PLXNB2: variants seen among roughly 807,000 people sequenced by gnomAD.
PLXNB2 encodes the protein plexin B2, also known as plexin-B2.
In PLXNB2, 85 loss-of-function variants were observed where a neutral mutation model predicts 202.6. That is an observed-to-expected ratio of 0.42 (90% CI 0.35 to 0.50). PLXNB2 has a LOEUF of 0.50. PLXNB2 is among the 20% of genes least tolerant of loss of function. The pLI is 0.02. For synonymous variants in PLXNB2, 1,239 were observed against 1,137.6 expected (o/e 1.09, Z -1.79); for missense variants, 2,063 against 2,586.2 (o/e 0.80, Z 4.39).
chr22:50,279,896 G>C, intron 26 of PLXNB2, 109 bp downstream of exon 26: 1 of 1,417,172 alleles, frequency 7.1e-7, no homozygotes, highest in Non-Finnish European at 9.8e-7. Context: ...AAGCAAACCT[G>C]TCCAGGCAGG....
In PLXNB2 at chr22:50,280,017, G is replaced by C; in HGVS notation, c.4230C>G (p.Tyr1410Ter). ...GGGTGGAACCCACCTTGAGGTACTG[G>C]TACAGGCAGATGGACATCCAGTTGG... Reference protein sequence around the residue: ...MLSNWMSICLYQYLKDSAGEP... With the variant: ...MLSNWMSICL Residue 1410 changes from tyrosine to a stop codon, truncating the protein, a stop_gained, in exon 26 of 37, where the codon TAC becomes TAG. Coordinates refer to ENST00000359337, the MANE Select transcript of PLXNB2 (RefSeq NM_012401.4). LOFTEE classifies it high-confidence loss of function. The C allele has an allele frequency of 6.2e-7, 1 of 1,608,884 alleles. No individual in the cohort carries two copies. The highest frequency in any genetic ancestry group is 8.5e-7 in the Non-Finnish European group (1 of 1,177,614).
chr22:50,285,164 G>A (rs369450908), intron 11 of PLXNB2, among the ~76,000 whole-genome samples: 50 of 151,918 alleles, frequency 3.3e-4, no homozygotes, highest in Non-Finnish European at 3.5e-4. Flanking sequence ...AGCACTGGCC[G>A]GCACCCCTCC....
rs199562031 is a variant in PLXNB2 at position 50,284,262 on chromosome 22, C to T, written c.2182-49G>A. 47 of 1,558,064 alleles carry T rather than the reference C, an allele frequency of 3.0e-5. No homozygotes were observed. In the East Asian group the frequency reaches 6.3e-4, roughly 21 times the overall value. On this transcript the variant is annotated intron_variant, in intron 12 of 36. Coordinates refer to ENST00000359337, the MANE Select transcript of PLXNB2 (RefSeq NM_012401.4). This position sits in a 1 kb window ranked among gnomAD's most constrained non-coding sequence, Gnocchi z 8.0. The stretch of plus-strand genomic sequence containing the variant: ...TGCACTTCCTGCCCCCACAGAGGGG[C>T]GTGGGGCGGGGGTCACAAGGGCAGC...
chr22:50,286,360 G>C, intron 8 of PLXNB2, 73 bp from the exon 9 acceptor site: 1 of 1,087,378 alleles, frequency 9.2e-7, no homozygotes, highest in Admixed American at 1.8e-5. Flanking sequence ...CTCCCCTGGG[G>C]CTGACTCCTG....
In PLXNB2 at chr22:50,289,139, A is replaced by G; in HGVS notation, c.1072T>C (p.Ser358Pro). The G allele has an allele frequency of 6.4e-7, 1 of 1,571,198 alleles. No homozygotes were observed. The highest frequency in any genetic ancestry group is 8.6e-7 in the Non-Finnish European group (1 of 1,159,668). Residue 358 changes from serine to proline, a missense_variant, in exon 4 of 37, where the codon TCC becomes CCC. By Grantham distance (74) the Ser-to-Pro change is moderately conservative (BLOSUM62 -1). Transcript: ENST00000359337. The surrounding 1 kb of genome is among the most constrained non-coding windows in gnomAD (Gnocchi z 8.0). ...DIQCGGHAPG[S>P]SKSFPCGSEH... ...GAGCCACATGGGAAGCTCTTGCTGGAGCCCTGCGGACCACAGCGTGTCAAT... is the reference window on the plus strand; with the variant it reads ...GAGCCACATGGGAAGCTCTTGCTGGGGCCCTGCGGACCACAGCGTGTCAAT...
chr22:50,289,557 T>C lies in PLXNB2; in HGVS notation c.1028A>G (p.Lys343Arg). 6.2e-7 allele frequency: 1 copy of C among 1,611,916 alleles called. No individual in the cohort carries two copies. Reference protein sequence around the residue: ...GTREARDIFYKPFHGDIQCGG... With the variant: ...GTREARDIFYRPFHGDIQCGG... ...GCACTGGATATCGCCGTGGAAGGGC[T>C]TGTAGAAGATGTCACGGGCCTCCCG... Residue 343 changes from lysine to arginine, a missense_variant, in exon 3 of 37, where the codon AAG becomes AGG. Lys to Arg is a conservative substitution (Grantham distance 26). Around this residue, in one of 2 missense-constraint regions of PLXNB2, gnomAD observed 1,303 missense variants for 1,476.8 expected, o/e 0.88. Transcript: ENST00000359337. The surrounding 1 kb of genome is among the most constrained non-coding windows in gnomAD (Gnocchi z 8.0).
At chr22:50,285,052 G>A (rs983670921) in intron 11 of PLXNB2, 12 of 393,802 alleles carry the variant, frequency 3.0e-5, no homozygotes, top group Non-Finnish European at 5.5e-5. Context: ...CCCGAGTGCT[G>A]CCTCCTGGCC....
chr22:50,287,400 C>T (rs1247083885), intron 7 of PLXNB2, 136 bp from the exon 8 acceptor site: 25 of 1,038,110 alleles, frequency 2.4e-5, no homozygotes, highest in Non-Finnish European at 3.3e-5. Context: ...TCTTCCAATA[C>T]AGGCCTCTCT....
chr22:50,290,203 T>C lies in PLXNB2; in HGVS notation c.382A>G (p.Ile128Val), dbSNP rs765914980. Residue 128 changes from isoleucine (I) to valine (V), a missense_variant, in exon 3 of 37, where the codon ATC becomes GTC. This residue lies in a region of PLXNB2 where 1,303 missense variants were observed against 1,476.8 expected (regional missense o/e 0.88). Transcript: ENST00000359337. ...TCCTCGTAGAACAGGCGGAGGGAGA[T>C]GTTGCTCAGGGCGCGCAGAGCGCAG... ...GICALRALSN[I>V]SLRLFYEDGS... 4 of 1,612,410 alleles carry C rather than the reference T, an allele frequency of 2.5e-6. No individual in the cohort carries two copies. Among genetic ancestry groups the C allele is most frequent in the Non-Finnish European group, 3.4e-6 (4 of 1,180,010 alleles).
In PLXNB2 at chr22:50,283,643, C is replaced by T. The variant is rs1341745202; in HGVS notation, c.2529G>A (p.Arg843=). The change falls in exon 15 of 37, where the codon CGG becomes CGA. Residue 843 remains arginine, a synonymous_variant. Coordinates refer to ENST00000359337, the MANE Select transcript of PLXNB2 (RefSeq NM_012401.4). ...AACGTTCCGGCTGAAAGGAGCAGTT[C>T]CGGCCGGCCACAGAGATCCTCTGGA... is the stretch of plus-strand genomic sequence containing the variant. ...GDIQRISVAG[R]NCSFQPERYS... 1 of 1,613,034 alleles carries T rather than the reference C, an allele frequency of 6.2e-7. No individual in the cohort carries two copies. Among genetic ancestry groups the T allele is most frequent in the South Asian group, 1.1e-5 (1 of 91,058 alleles).
intron 1 of PLXNB2, among the ~76,000 whole-genome samples, chr22:50,296,476 C>T (rs985590999): frequency 6.6e-6 from 1 of 151,002 alleles, no homozygotes; most frequent in Admixed American, 6.6e-5. Flanking sequence ...CACGGTGGCT[C>T]ACGCCTGTAA....
chr22:50,283,837 G>C lies in PLXNB2; in HGVS notation c.2417C>G (p.Thr806Ser), dbSNP rs1332625528. The change falls in exon 14 of 37, where the codon ACC becomes AGC. Residue 806 changes from threonine to serine, a missense_variant. Coordinates refer to ENST00000359337, the MANE Select transcript of PLXNB2 (RefSeq NM_012401.4). ...GCCAGGCTTCGAGGGGCTCACCCTG[G>C]TGATGACGGGCGGCGGGCACTCGGA... ...TTSECPPPVITRIQPETGPLG... is the reference protein window; with the variant it reads ...TTSECPPPVISRIQPETGPLG... 6.2e-7 allele frequency: 1 copy of C among 1,610,208 alleles called. No homozygotes were observed.
intron 23 of PLXNB2, 31 bp from the exon 24 acceptor site, chr22:50,281,004 G>C: frequency 6.2e-7 from 1 of 1,604,200 alleles, no homozygotes; most frequent in Non-Finnish European, 8.5e-7. Flanking sequence ...GACGTCCCTG[G>C]CCACGTGGGG....
rs111925803 is a variant in PLXNB2 at position 50,281,547 on chromosome 22, C to T, written c.3522+19G>A. The T allele has an allele frequency of 0.24, 393,443 of 1,607,236 alleles. 52,797 individuals are homozygous for T. Among genetic ancestry groups the T allele is most frequent in the Non-Finnish European group, 0.28 (328,973 of 1,176,378 alleles). Reference sequence around the variant, plus strand: ...CGCGGTCCCGTGGGGGCACCCCCCGCCAGTCCCCGCTCACGCACAATGAAC... The same window carrying T: ...CGCGGTCCCGTGGGGGCACCCCCCGTCAGTCCCCGCTCACGCACAATGAAC... On this transcript the variant is annotated intron_variant, in intron 21 of 36. Transcript: ENST00000359337.
At chr22:50,300,504 C>A (rs1422172472) in intron 1 of PLXNB2, among the ~76,000 whole-genome samples, 1 of 152,212 alleles carries the variant, frequency 6.6e-6, no homozygotes, top group Non-Finnish European at 1.5e-5. Context: ...TCACCCGAGG[C>A]AAAGGCCGAA....
In PLXNB2 at chr22:50,287,274, G is replaced by A; in HGVS notation, c.1609-10C>T. 7 of 1,483,144 alleles carry A rather than the reference G, an allele frequency of 4.7e-6. No individual in the cohort carries two copies. The highest frequency in any genetic ancestry group is 6.3e-6 in the Non-Finnish European group (7 of 1,111,110). 91.9% of individuals were successfully genotyped at this position (1,483,144 alleles called of 1,614,324 possible). A position where few individuals can be genotyped will look rare whatever the true frequency, so the allele number is the denominator to read the frequency against. Reference sequence around the variant, plus strand: ...TGACGGTCAGCTGCACCTGAGGGAGGGGCCGTGCCGCTCACACTGGGAACC... The same window carrying A: ...TGACGGTCAGCTGCACCTGAGGGAGAGGCCGTGCCGCTCACACTGGGAACC... On this transcript the variant is annotated splice_polypyrimidine_tract_variant and intron_variant, in intron 7 of 36. Coordinates refer to ENST00000359337, the MANE Select transcript of PLXNB2 (RefSeq NM_012401.4).
Position 50,286,115 on chromosome 22 carries a change from T to A in PLXNB2, c.1878-17A>T, listed in dbSNP as rs2066437840. On this transcript the variant is annotated splice_polypyrimidine_tract_variant and intron_variant, in intron 9 of 36. Transcript: ENST00000359337. Reference sequence around the variant, plus strand: ...GAGATGCACCTGCATCCAGAGGGGATCGTGAGCAGGGCTGGGGTGGACGGG... The same window carrying A: ...GAGATGCACCTGCATCCAGAGGGGAACGTGAGCAGGGCTGGGGTGGACGGG... 6.2e-7 allele frequency: 1 copy of A among 1,611,784 alleles called. No individual in the cohort carries two copies. Among genetic ancestry groups the A allele is most frequent in the African/African-American group, 1.3e-5 (1 of 75,022 alleles).
Position 50,282,818 on chromosome 22 carries a change from A to G in PLXNB2, c.2880T>C (p.Leu960=), listed in dbSNP as rs1236948615. The change falls in exon 18 of 37, where the codon CTT becomes CTC. Residue 960 remains leucine (L), a synonymous_variant. Transcript: ENST00000359337. ...TGPQATRGQM[L]LEVSYGGSPV... ...GGGACCCCCCGTAGGAGACCTCCAG[A>G]AGCATCTGGCCCCGTGTCGCCTGGG... 1.9e-6 allele frequency: 3 copies of G among 1,613,046 alleles called. No homozygotes were observed. The highest frequency in any genetic ancestry group is 4.5e-5 in the East Asian group (2 of 44,854).
intron 29 of PLXNB2, 22 bp downstream of exon 29, chr22:50,278,574 C>T (rs1457244088): frequency 3.7e-6 from 6 of 1,606,734 alleles, no homozygotes; most frequent in Non-Finnish European, 5.1e-6. Flanking sequence ...CAGTTCTCGC[C>T]CGCCCCGGCC....
Sources: allele counts gnomAD v4.1 joint callset (sites outside exome capture counted in the v4.1 genomes callset), GRCh38; gene constraint gnomAD v4.1.1; regional missense constraint gnomAD v4.1.1; non-coding constraint Gnocchi (gnomAD v3.1); transcripts MANE v1.5; gene names NCBI Gene and HGNC (gene_info 2026-07-23, HGNC 2026-07-21).